The following LOC128462377 variants were observed in gnomAD, a reference collection of about 807,000 sequenced individuals.
chr16:89,342,317 T>C, the LOC128462377 span, among the ~76,000 whole-genome samples: 1 of 152,258 alleles, frequency 6.6e-6, no homozygotes, highest in Non-Finnish European at 1.5e-5. Context: ...CAGAACCAGC[T>C]TCTATCTTTG....
chr16:89,397,428 C>A, the LOC128462377 span, among the ~76,000 whole-genome samples: 1 of 152,242 alleles, frequency 6.6e-6, no homozygotes, highest in African/African-American at 2.4e-5. Context: ...GGACTCCCAG[C>A]GCCGTACCAC....
At chr16:89,413,066 G>C in the LOC128462377 span, among the ~76,000 whole-genome samples, 4 of 152,172 alleles carry the variant, frequency 2.6e-5, no homozygotes, top group African/African-American at 9.7e-5. Context: ...AGAGCCTGGA[G>C]GGGGAGGGAG....
At chr16:89,325,465 T>TCA in the LOC128462377 span, among the ~76,000 whole-genome samples, 640 of 139,418 alleles carry the variant, frequency 4.6e-3, 3 homozygotes, top group African/African-American at 0.018. Context: ...TCTCTCTCTC[T>TCA]CTCTCACACA....
the LOC128462377 span, among the ~76,000 whole-genome samples, chr16:89,349,315 C>T: frequency 6.6e-6 from 1 of 151,890 alleles, no homozygotes; most frequent in East Asian, 1.9e-4. Flanking sequence ...CCCATCTCTA[C>T]TCAAAATACC....
chr16:89,364,580 G>A, the LOC128462377 span, among the ~76,000 whole-genome samples: 2 of 152,270 alleles, frequency 1.3e-5, no homozygotes, highest in South Asian at 4.1e-4. Context: ...CCAATCTTTT[G>A]ACCTCCCTGG....
At chr16:89,345,135 C>T in the LOC128462377 span, among the ~76,000 whole-genome samples, 1 of 152,104 alleles carries the variant, frequency 6.6e-6, no homozygotes, top group South Asian at 2.1e-4. Context: ...GGAGCATCCA[C>T]CAGGAAATGG....
chr16:89,321,843 T>C, the LOC128462377 span, among the ~76,000 whole-genome samples: 1 of 152,116 alleles, frequency 6.6e-6, no homozygotes, highest in African/African-American at 2.4e-5. Flanking sequence ...CACCTCTGCC[T>C]CTCCTGAGAC....
chr16:89,338,089 G>A, the LOC128462377 span, among the ~76,000 whole-genome samples: 6 of 152,170 alleles, frequency 3.9e-5, no homozygotes, highest in East Asian at 3.8e-4. Flanking sequence ...GGAGCCCCAG[G>A]GGCCCCCACT....
chr16:89,385,161 C>G, the LOC128462377 span, among the ~76,000 whole-genome samples: 4 of 151,580 alleles, frequency 2.6e-5, no homozygotes, highest in African/African-American at 9.7e-5. Flanking sequence ...CAGGCGTGAG[C>G]CACTGTACCC....
the LOC128462377 span, among the ~76,000 whole-genome samples, chr16:89,410,512 G>A: frequency 1.3e-5 from 2 of 152,130 alleles, no homozygotes; most frequent in African/African-American, 4.8e-5. Flanking sequence ...CAGAGCCACG[G>A]AAGGGAAACA....
chr16:89,407,899 T>A, the LOC128462377 span, among the ~76,000 whole-genome samples: 7 of 151,616 alleles, frequency 4.6e-5, no homozygotes, highest in African/African-American at 1.7e-4. Flanking sequence ...TTAACTCCTT[T>A]GTCCACATAG....
the LOC128462377 span, among the ~76,000 whole-genome samples, chr16:89,353,487 C>A: frequency 6.6e-6 from 1 of 151,748 alleles, no homozygotes; most frequent in Non-Finnish European, 1.5e-5. Flanking sequence ...GTCACTTTTT[C>A]ATTTTTTTGA....
the LOC128462377 span, among the ~76,000 whole-genome samples, chr16:89,402,783 GGATGA>G: frequency 6.8e-6 from 1 of 146,046 alleles, no homozygotes; most frequent in Admixed American, 6.8e-5. Context: ...CAGCTCTGTG[GGATGA>G]GGTGAGGTGG....
chr16:89,395,902 C>CT, the LOC128462377 span: 1 of 152,222 alleles, frequency 6.6e-6, no homozygotes, highest in Non-Finnish European at 1.5e-5. Flanking sequence ...CAGCATTCAT[C>CT]TTGTGCATAT....
At chr16:89,407,544 C>T in the LOC128462377 span, among the ~76,000 whole-genome samples, 4 of 152,122 alleles carry the variant, frequency 2.6e-5, no homozygotes, top group African/African-American at 4.8e-5. Flanking sequence ...TTCTGGGCCG[C>T]GCAACATGGC....
At chr16:89,373,928 A>T in the LOC128462377 span, among the ~76,000 whole-genome samples, 2 of 152,360 alleles carry the variant, frequency 1.3e-5, no homozygotes, top group Non-Finnish European at 2.9e-5. Context: ...GGACAGGGTC[A>T]TCAGGAGTGA....
the LOC128462377 span, among the ~76,000 whole-genome samples, chr16:89,334,787 G>A: frequency 3.9e-5 from 6 of 152,134 alleles, no homozygotes; most frequent in African/African-American, 1.4e-4. Flanking sequence ...CCACCCACGT[G>A]TCCACCAGCA....
chr16:89,347,904 G>T, the LOC128462377 span, among the ~76,000 whole-genome samples: 1 of 151,746 alleles, frequency 6.6e-6, no homozygotes, highest in Admixed American at 6.6e-5. Flanking sequence ...TTCTTACTTT[G>T]CAGAGCACTT....
chr16:89,391,116 T>C, the LOC128462377 span, among the ~76,000 whole-genome samples: 1 of 150,986 alleles, frequency 6.6e-6, no homozygotes, highest in Non-Finnish European at 1.5e-5. Flanking sequence ...TAGTCCCAGC[T>C]ACTCGGGAGG....
Sources: allele counts gnomAD v4.1 joint callset (sites outside exome capture counted in the v4.1 genomes callset), GRCh38; gene constraint gnomAD v4.1.1; transcripts MANE v1.5.